Variants in DIP2B observed in about 807,000 individuals in gnomAD.
DIP2B encodes the protein DIP2 acetate--CoA ligase B (putative).
A neutral mutation model predicts 198.0 loss-of-function variants in DIP2B; 76 were observed. The ratio of observed to expected loss-of-function variants is 0.38; its 90% CI spans 0.32 to 0.46. The LOEUF (loss-of-function observed/expected upper bound fraction) is 0.46. DIP2B is among the 20% of genes least tolerant of loss of function. The pLI is 0.99. For missense variants in DIP2B, 1,559 were observed against 1,978.4 expected (o/e 0.79, Z 4.02); for synonymous variants, 701 against 739.1 (o/e 0.95, Z 0.84).
chr12:50,510,872 C>T (rs185304790), intron 1 of DIP2B, among the ~76,000 whole-genome samples: 56 of 150,766 alleles, frequency 3.7e-4, no homozygotes, highest in African/African-American at 1.2e-3. Flanking sequence ...CTTGAACTCC[C>T]GACCTCAGGT....
intron 1 of DIP2B, among the ~76,000 whole-genome samples, chr12:50,519,808 G>GTTT (rs5798142): frequency 6.7e-6 from 1 of 148,452 alleles, no homozygotes; most frequent in Non-Finnish European, 1.5e-5. Flanking sequence ...TTTCTTGGAG[G>GTTT]TTTTTTTTTT....
chr12:50,583,105 T>G (rs1958740010), intron 1 of DIP2B, among the ~76,000 whole-genome samples: 1 of 152,206 alleles, frequency 6.6e-6, no homozygotes, highest in Admixed American at 6.5e-5. Flanking sequence ...AAGCCACAAA[T>G]GGGCTTCATT....
At chr12:50,721,557 C>T (rs1341006703) in intron 26 of DIP2B, among the ~76,000 whole-genome samples, 161 bp downstream of exon 26, 1 of 152,198 alleles carries the variant, frequency 6.6e-6, no homozygotes, top group Non-Finnish European at 1.5e-5. Flanking sequence ...AACCAATCCT[C>T]ACCCCCCAAG....
intron 3 of DIP2B, among the ~76,000 whole-genome samples, chr12:50,644,779 T>C (rs536708997): frequency 2.6e-4 from 40 of 152,362 alleles, no homozygotes; most frequent in African/African-American, 7.9e-4. Context: ...TTACTAATTA[T>C]CCAAATGTTA....
rs753033102 is a variant in DIP2B at position 50,741,559 on chromosome 12, C to A, written c.4478+20C>A. 2 of 1,604,712 alleles carry A rather than the reference C, an allele frequency of 1.2e-6. No homozygotes were observed. ...TGAATGGTAACTCCCTCAGCATACA[C>A]TGTGCTTCCCACTTCAGCTTTAGTC... On this transcript the variant is annotated intron_variant, in intron 37 of 37. Transcript: ENST00000301180.
intron 1 of DIP2B, among the ~76,000 whole-genome samples, chr12:50,507,800 T>G (rs1490051376): frequency 6.6e-6 from 1 of 152,194 alleles, no homozygotes; most frequent in Non-Finnish European, 1.5e-5. Flanking sequence ...CCTCCCAAAG[T>G]GTTAGGATTA....
intron 34 of DIP2B, among the ~76,000 whole-genome samples, chr12:50,735,811 G>A (rs151325445): frequency 6.6e-6 from 1 of 152,328 alleles, no homozygotes; most frequent in Non-Finnish European, 1.5e-5. Context: ...GAGAGGCCGA[G>A]ATGGGAGTGT....
chr12:50,540,053 G>GTTTTTTTTTTTTTTTTT lies in DIP2B; in HGVS notation c.100+34826_100+34842dup, dbSNP rs60978324. 4.1e-4 allele frequency among the ~76,000 whole-genome samples: 18 copies of GTTTTTTTTTTTTTTTTT among 44,140 alleles called. 1 individual carries two copies. Among genetic ancestry groups the GTTTTTTTTTTTTTTTTT allele is most frequent in the Non-Finnish European group, 5.1e-4 (13 of 25,648 alleles). 29.0% of individuals were successfully genotyped at this position (44,140 alleles called of 152,430 possible). On this transcript the variant is annotated intron_variant, in intron 1 of 37. Transcript: ENST00000301180. ...TGGCAGGTAGTTTAGTTGTTTCTGT[G>GTTTTTTTTTTTTTTTTT]TTTTTTTTTTTTTTTTTTTTTTTTT...
At chr12:50,509,723 G>A (rs1040682541) in intron 1 of DIP2B, among the ~76,000 whole-genome samples, 2 of 152,132 alleles carry the variant, frequency 1.3e-5, no homozygotes, top group Non-Finnish European at 2.9e-5. Flanking sequence ...GTCTCAGAAG[G>A]GGGCAGTTAG....
At chr12:50,603,273 A>T (rs1262292968) in intron 1 of DIP2B, among the ~76,000 whole-genome samples, 1 of 152,204 alleles carries the variant, frequency 6.6e-6, no homozygotes, top group Non-Finnish European at 1.5e-5. Flanking sequence ...CTTTTTACAC[A>T]TAAGCAAAGA....
rs139706802 is a variant in DIP2B at position 50,508,816 on chromosome 12, C to T, written c.100+3576C>T. Reference sequence around the variant, plus strand: ...TGCCTCCCGGGTTCAGGTGATTCTCCTGCCTCAGCCTTTCTGAGTAGCTGG... The same window carrying T: ...TGCCTCCCGGGTTCAGGTGATTCTCTTGCCTCAGCCTTTCTGAGTAGCTGG... On this transcript the variant is annotated intron_variant, in intron 1 of 37. Transcript: ENST00000301180. 3.3e-5 allele frequency among the ~76,000 whole-genome samples: 5 copies of T among 152,170 alleles called. No individual in the cohort carries two copies. In the East Asian group the frequency reaches 9.7e-4, roughly 29 times the overall value.
chr12:50,634,883 A>G (rs1262541234), intron 2 of DIP2B, among the ~76,000 whole-genome samples: 1 of 152,206 alleles, frequency 6.6e-6, no homozygotes, highest in African/African-American at 2.4e-5. Flanking sequence ...GTAAACATCT[A>G]TGAAGATAAA....
chr12:50,553,345 A>C (rs1402341788), intron 1 of DIP2B, among the ~76,000 whole-genome samples: 1 of 152,176 alleles, frequency 6.6e-6, no homozygotes, highest in African/African-American at 2.4e-5. Flanking sequence ...AGTACCATGA[A>C]CGACAGATTG....
chr12:50,632,685 T>C (rs954717861), intron 2 of DIP2B, among the ~76,000 whole-genome samples: 1 of 151,210 alleles, frequency 6.6e-6, no homozygotes, highest in Non-Finnish European at 1.5e-5. Context: ...TACAGGCATG[T>C]GCTACCACAC....
intron 3 of DIP2B, among the ~76,000 whole-genome samples, chr12:50,653,346 C>CTTTTTT (rs34185073): frequency 2.7e-4 from 21 of 76,628 alleles, no homozygotes; most frequent in South Asian, 4.5e-4. Context: ...TTTTTCTTTT[C>CTTTTTT]TTTTTTTTTT....
intron 1 of DIP2B, among the ~76,000 whole-genome samples, chr12:50,560,356 A>G (rs1958508428): frequency 6.6e-6 from 1 of 151,024 alleles, no homozygotes; most frequent in Admixed American, 6.6e-5. Context: ...GATCGCAGCC[A>G]CTGCATTCCA....
intron 17 of DIP2B, among the ~76,000 whole-genome samples, chr12:50,697,533 C>CT (rs11306905): frequency 0.3 from 13,717 of 45,890 alleles, 5,097 homozygotes; most frequent in African/African-American, 0.37. Context: ...TATAGATATA[C>CT]TTTTTTTTTT....
At position 50,734,231 on chromosome 12, in the gene DIP2B, G is replaced by A. The variant is rs1171935038; in HGVS notation, c.4043+35G>A. The A allele has an allele frequency of 3.7e-6, 6 of 1,608,848 alleles. No individual in the cohort carries two copies. In the African/African-American group the frequency reaches 8.0e-5, roughly 22 times the overall value. On this transcript the variant is annotated intron_variant, in intron 33 of 37. Coordinates refer to ENST00000301180, the MANE Select transcript of DIP2B (RefSeq NM_173602.3). ...ATTTATTAATGCTCCTTTCCTACTA[G>A]TTCCTAAGCATAACAAATTCGGAAC...
chr12:50,687,897 A>AT (rs1939158170), intron 12 of DIP2B, among the ~76,000 whole-genome samples: 1 of 147,768 alleles, frequency 6.8e-6, no homozygotes, highest in Admixed American at 6.9e-5. Context: ...TAAAAGTAAA[A>AT]TTAAAAAAAA....
Sources: gnomAD v4.1 joint callset for allele counts (sites outside exome capture counted in the v4.1 genomes callset) on GRCh38, gnomAD v4.1.1 for gene constraint, MANE v1.5 for transcripts, NCBI Gene and HGNC (gene_info 2026-07-23, HGNC 2026-07-21) for gene names.